The following PHF19 variants were observed in gnomAD, a reference collection of about 807,000 sequenced individuals.
PHF19 encodes PHD finger protein 19, also known as polycomb like 3.
PHF19 carries 21 observed loss-of-function variants against 79.8 expected under a neutral mutation model. The observed-to-expected ratio is 0.26, with a 90% CI of 0.19 to 0.38. The LOEUF is 0.38. PHF19 is among the 10% of genes least tolerant of loss of function. PHF19 has a pLI of 1.00. For synonymous variants in PHF19, 273 were observed against 296.3 expected (o/e 0.92, Z 0.81); for missense variants, 445 against 744.2 (o/e 0.60, Z 4.68).
chr9:120,863,001 T>C lies in PHF19; in HGVS notation c.969-252A>G, dbSNP rs1387336567. 6 of 474,592 alleles carry C rather than the reference T, an allele frequency of 1.3e-5. No individual in the cohort carries two copies. The East Asian group carries it at 2.4e-4, about 19-fold the overall frequency. The allele number at this position is 474,592 out of a possible 1,614,324, so 29.4% of individuals were successfully genotyped here. A position where few individuals can be genotyped will look rare whatever the true frequency, so the allele number is the denominator to read the frequency against. ...TGGTTCTTGCTGCTCTTCTCCCTTT[T>C]GTTTGCCTCAACCAGCCCCAAGGCC... is the stretch of plus-strand genomic sequence containing the variant. On this transcript the variant is annotated intron_variant, in intron 10 of 14. Transcript: ENST00000373896.
upstream of PHF19, among the ~76,000 whole-genome samples, chr9:120,896,438 T>C (rs1213643857): frequency 6.8e-5 from 1 of 14,706 alleles, no homozygotes; most frequent in Non-Finnish European, 1.2e-4. Context: ...TGTATGGTTC[T>C]TTTTTTTTTT....
intron 1 of PHF19, among the ~76,000 whole-genome samples, chr9:120,893,228 C>T (rs1047324396): frequency 2.0e-5 from 3 of 152,190 alleles, no homozygotes; most frequent in Non-Finnish European, 2.9e-5. Context: ...TGAGTGAGGA[C>T]GCTCTCCCTT....
chr9:120,858,377 A>G (rs909935080), intron 14 of PHF19, 91 bp from the exon 15 acceptor site: 4 of 986,388 alleles, frequency 4.1e-6, no homozygotes, highest in Non-Finnish European at 5.7e-6. Flanking sequence ...CAGTACCAGG[A>G]AAGTGGAAGA....
chr9:120,862,962 C>T lies in PHF19; in HGVS notation c.969-213G>A. ...GGCTGGTGCCTCCTCCCTGTGCTTC[C>T]TCCTGCATGAGTGTGGTTCTTGCTG... is the stretch of plus-strand genomic sequence containing the variant. On this transcript the variant is annotated intron_variant, in intron 10 of 14. Coordinates refer to ENST00000373896, the MANE Select transcript of PHF19 (RefSeq NM_015651.3). The surrounding 1 kb of genome is among the most constrained non-coding windows in gnomAD (Gnocchi z 4.6). The T allele has an allele frequency of 3.5e-6, 2 of 566,514 alleles. No homozygotes were observed. The highest frequency in any genetic ancestry group is 6.3e-6 in the Non-Finnish European group (2 of 315,136). The allele number at this position is 566,514 out of a possible 1,614,324, so 35.1% of individuals were successfully genotyped here. A position where few individuals can be genotyped will look rare whatever the true frequency, so the allele number is the denominator to read the frequency against.
At position 120,887,936 on chromosome 9, in the gene PHF19, C is replaced by T. The variant is rs373616734; in HGVS notation, c.42+6852G>A. 9.2e-5 allele frequency among the ~76,000 whole-genome samples: 14 copies of T among 152,272 alleles called. No homozygotes were observed. In the East Asian group the frequency reaches 1.5e-3, roughly 17 times the overall value. ...CTTCACAGTCCTTGAGAACGGAGCT[C>T]GTCCCCTGAGCACCTAATGACACGC... On this transcript the variant is annotated intron_variant, in intron 1 of 14. Coordinates refer to the PHF19 transcript ENST00000616568.
rs1353264650 is a variant in PHF19 at position 120,877,176 on chromosome 9, T to C, written c.-101A>G. On this transcript the variant is annotated 5_prime_UTR_variant, in exon 1 of 15. Coordinates refer to ENST00000373896, the MANE Select transcript of PHF19 (RefSeq NM_015651.3). Reference sequence around the variant, plus strand: ...GAGGCGGCTGCGCTCGGCCCGCGGCTGCCCGGCCGAGTGTCCGCCCGTGGG... The same window carrying C: ...GAGGCGGCTGCGCTCGGCCCGCGGCCGCCCGGCCGAGTGTCCGCCCGTGGG... 1.0e-6 allele frequency: 1 copy of C among 969,844 alleles called. No individual in the cohort carries two copies. The highest frequency in any genetic ancestry group is 6.6e-5 in the Admixed American group (1 of 15,146). The allele number at this position is 969,844 out of a possible 1,614,324, so 60.1% of individuals were successfully genotyped here. A position where few individuals can be genotyped will look rare whatever the true frequency, so the allele number is the denominator to read the frequency against.
chr9:120,895,695 A>G (rs1469019014), upstream of PHF19, among the ~76,000 whole-genome samples: 1 of 151,862 alleles, frequency 6.6e-6, no homozygotes, highest in Non-Finnish European at 1.5e-5. Flanking sequence ...AGTTCTCACC[A>G]AGGCTGGAGA....
At chr9:120,895,129 A>G (rs565120572), upstream of PHF19, among the ~76,000 whole-genome samples, 1 of 152,336 alleles carries the variant, frequency 6.6e-6, no homozygotes, top group Admixed American at 6.5e-5. Flanking sequence ...GGTAGCAAGT[A>G]GCACGTCGGG....
chr9:120,867,094 T>A, intron 6 of PHF19, 129 bp from the exon 7 acceptor site: 1 of 644,036 alleles, frequency 1.6e-6, no homozygotes, highest in Non-Finnish European at 2.9e-6. Flanking sequence ...TACTGAGCAC[T>A]TAGGCTGTGC....
At chr9:120,863,872 T>C (rs957669619) in intron 10 of PHF19, among the ~76,000 whole-genome samples, 177 bp downstream of exon 10, 6 of 151,898 alleles carry the variant, frequency 4.0e-5, no homozygotes, top group Admixed American at 3.3e-4. Flanking sequence ...GCTGGGGTGG[T>C]TGGAGTGGCT....
At chr9:120,863,428 C>T (rs1028437851) in intron 10 of PHF19, among the ~76,000 whole-genome samples, 2 of 152,056 alleles carry the variant, frequency 1.3e-5, no homozygotes, top group Non-Finnish European at 1.5e-5. Flanking sequence ...TCAATGAATA[C>T]TTGTTGATGG....
rs928903742 is a variant in PHF19, at chr9:120,864,179, C to A, written c.901-63G>T. On this transcript the variant is annotated intron_variant, in intron 9 of 14. Coordinates refer to ENST00000373896, the MANE Select transcript of PHF19 (RefSeq NM_015651.3). ...CATATGGCGCATGGGGAGGCCCAAG[C>A]CCCTACTCCCTCCCTTCCATCTCCT... 1.5e-5 allele frequency: 20 copies of A among 1,351,786 alleles called. No homozygotes were observed. The Admixed American group carries it at 3.4e-4, about 23-fold the overall frequency. 83.7% of individuals were successfully genotyped at this position (1,351,786 alleles called of 1,614,324 possible).
intron 10 of PHF19, among the ~76,000 whole-genome samples, chr9:120,863,757 G>A (rs2045609420): frequency 6.6e-6 from 1 of 152,182 alleles, no homozygotes; most frequent in South Asian, 2.1e-4. Context: ...CCATCCCTCA[G>A]TGCCTGGCCC....
upstream of PHF19, among the ~76,000 whole-genome samples, chr9:120,897,959 A>C (rs2131607393): frequency 6.9e-6 from 1 of 144,602 alleles, no homozygotes; most frequent in African/African-American, 2.6e-5. Flanking sequence ...AGCCTGGGCA[A>C]CAGAGTGAGA....
Position 120,869,493 on chromosome 9 carries a change from C to T in PHF19, c.466-163G>A. The T allele has an allele frequency of 7.4e-7, 1 of 1,343,626 alleles. No homozygotes were observed. The highest frequency in any genetic ancestry group is 9.9e-7 in the Non-Finnish European group (1 of 1,011,488). 83.2% of individuals were successfully genotyped at this position (1,343,626 alleles called of 1,614,324 possible). ...AGCTTTTTCTCATTAATTCCAAACC[C>T]ATCCCCTCTATCCCAGAAGGAACTC... On this transcript the variant is annotated intron_variant, in intron 5 of 14. Coordinates refer to ENST00000373896, the MANE Select transcript of PHF19 (RefSeq NM_015651.3). The surrounding 1 kb of genome is among the most constrained non-coding windows in gnomAD (Gnocchi z 5.8).
At chr9:120,892,613 T>C (rs996072993) in intron 1 of PHF19, among the ~76,000 whole-genome samples, 2 of 152,216 alleles carry the variant, frequency 1.3e-5, no homozygotes, top group African/African-American at 2.4e-5. Flanking sequence ...CCTGTCCCCA[T>C]GGCATATAGG....
the PHF19 span, chr9:120,902,402 C>T: frequency 6.6e-6 from 1 of 151,096 alleles, no homozygotes; most frequent in African/African-American, 2.4e-5. Flanking sequence ...ATGCACTTAA[C>T]ATAGAGCTTT....
chr9:120,888,061 C>T (rs2046292045), intron 1 of PHF19, among the ~76,000 whole-genome samples: 1 of 152,258 alleles, frequency 6.6e-6, no homozygotes, highest in African/African-American at 2.4e-5. Flanking sequence ...CAACCTCTGC[C>T]TCCCAGGTTC....
chr9:120,901,510 C>T, the PHF19 span, among the ~76,000 whole-genome samples: 134 of 152,188 alleles, frequency 8.8e-4, no homozygotes, highest in African/African-American at 3.1e-3. Flanking sequence ...TACCTGATTT[C>T]TAATGCCAGT....
Sources: gnomAD v4.1 joint callset for allele counts (sites outside exome capture counted in the v4.1 genomes callset) on GRCh38, gnomAD v4.1.1 for gene constraint, Gnocchi (gnomAD v3.1) non-coding constraint, MANE v1.5 for transcripts, NCBI Gene and HGNC (gene_info 2026-07-23, HGNC 2026-07-21) for gene names.